The following LRRC75A variants were observed in gnomAD, a reference collection of about 807,000 sequenced individuals.
LRRC75A encodes leucine rich repeat containing 75A, also known as leucine-rich repeat-containing protein 75A.
A neutral mutation model predicts 26.0 loss-of-function variants in LRRC75A; 12 were observed. The ratio of observed to expected loss-of-function variants is 0.46; its 90% confidence interval spans 0.30 to 0.75. LRRC75A has a LOEUF of 0.75. Ranked by LOEUF, LRRC75A falls within the 30% of genes least tolerant of loss-of-function variation. The pLI is 0.08. For missense variants in LRRC75A, 410 were observed against 486.6 expected, an observed-to-expected ratio of 0.84 and a Z score of 1.48; for synonymous variants, 223 against 219.3, an observed-to-expected ratio of 1.02 and a Z score of -0.15.
At chr17:16,490,228 G>C (rs992876099) in intron 1 of LRRC75A, among the ~76,000 whole-genome samples, 1 of 152,200 alleles carries the variant, frequency 6.6e-6, no homozygotes, top group Non-Finnish European at 1.5e-5. Flanking sequence ...ATTGCAGGGT[G>C]GGGGAAACAG....
At chr17:16,449,004 T>TC (rs2093609431) in intron 2 of LRRC75A, among the ~76,000 whole-genome samples, 1 of 152,160 alleles carries the variant, frequency 6.6e-6, no homozygotes, top group Admixed American at 6.5e-5. Flanking sequence ...GGAGCCAAAC[T>TC]CGTGCTGGAC....
Position 16,491,959 on chromosome 17 carries a change from G to A in LRRC75A, c.32C>T (p.Ala11Val), listed in dbSNP as rs1422323465. The change falls in exon 1 of 4, where the codon GCG (alanine) becomes GTG (valine). Residue 11 changes from alanine (A) to valine (V), a missense_variant. Ala to Val is a moderately conservative substitution (Grantham distance 64). Coordinates refer to ENST00000470794, the MANE Select transcript of LRRC75A (RefSeq NM_001113567.3). The surrounding 1 kb of genome is among the most constrained non-coding windows in gnomAD (Gnocchi z 5.9). MGTRQTKGSL[A>V]ERASPGAAPG... Reference sequence around the variant, plus strand: ...CGCGGCGCCGGGGCTGGCTCTCTCCGCCAGGCTGCCCTTGGTCTGCCGGGT... The same window carrying A: ...CGCGGCGCCGGGGCTGGCTCTCTCCACCAGGCTGCCCTTGGTCTGCCGGGT... 6.5e-5 allele frequency: 80 copies of A among 1,222,422 alleles called. No homozygotes were observed. The highest frequency in any genetic ancestry group is 8.9e-5 in the Admixed American group (2 of 22,544). The allele number at this position is 1,222,422 out of a possible 1,614,324, so 75.7% of individuals were successfully genotyped here.
Position 16,443,483 on chromosome 17 carries a change from T to C in LRRC75A, c.*105A>G. 1 of 1,133,482 alleles carries C rather than the reference T, an allele frequency of 8.8e-7. No individual in the cohort carries two copies. The highest frequency in any genetic ancestry group is 2.9e-5 in the Admixed American group (1 of 33,930). 70.2% of individuals were successfully genotyped at this position (1,133,482 alleles called of 1,614,324 possible). Reference sequence around the variant, plus strand: ...CTGTAGGTGGGTGGCCCAGGCCAATTTTTGGCAATATCCTTAACCCACCTG... The same window carrying C: ...CTGTAGGTGGGTGGCCCAGGCCAATCTTTGGCAATATCCTTAACCCACCTG... On this transcript the variant is annotated 3_prime_UTR_variant, in exon 4 of 4. Transcript: ENST00000470794.
chr17:16,452,065 T>G (rs1435018800), intron 2 of LRRC75A, among the ~76,000 whole-genome samples: 5 of 151,704 alleles, frequency 3.3e-5, no homozygotes, highest in Non-Finnish European at 1.5e-5. Flanking sequence ...TAAAGTCCAC[T>G]GATGGGCCAG....
chr17:16,445,231 T>A (rs2093573827), intron 3 of LRRC75A, among the ~76,000 whole-genome samples: 1 of 143,650 alleles, frequency 7.0e-6, no homozygotes, highest in South Asian at 2.3e-4. Flanking sequence ...AGTGGCGCCA[T>A]TTCTGCTCAC....
Position 16,482,085 on chromosome 17 carries a change from G to A in LRRC75A, c.246+9660C>T, listed in dbSNP as rs377243768. Among the ~76,000 whole-genome samples the A allele has an allele frequency of 4.6e-5, 7 of 152,110 alleles. No homozygotes were observed. In the South Asian group the frequency reaches 8.3e-4, roughly 18 times the overall value. The stretch of plus-strand genomic sequence containing the variant: ...ACCTCCTGGGCCCTTACCTGCCCCC[G>A]GTGCCAATGGAGAGAAACCTGCCCC... On this transcript the variant is annotated intron_variant, in intron 1 of 3. Coordinates refer to ENST00000470794, the MANE Select transcript of LRRC75A (RefSeq NM_001113567.3).
intron 1 of LRRC75A, among the ~76,000 whole-genome samples, chr17:16,485,667 T>C (rs889277311): frequency 9.9e-4 from 120 of 121,476 alleles, no homozygotes; most frequent in Non-Finnish European, 1.3e-3. Flanking sequence ...TGTGTGTGTG[T>C]GTTCGTGTGT....
intron 1 of LRRC75A, among the ~76,000 whole-genome samples, chr17:16,482,619 G>C (rs1177278025): frequency 1.3e-5 from 2 of 152,216 alleles, no homozygotes; most frequent in African/African-American, 4.8e-5. Context: ...ACTGAGGAAA[G>C]GGGTTTGCCC....
chr17:16,476,929 G>A (rs8070265), intron 1 of LRRC75A, among the ~76,000 whole-genome samples: 1,916 of 151,406 alleles, frequency 0.013, 43 homozygotes, highest in African/African-American at 0.043. Context: ...TAGTAGAGAC[G>A]GGGTTTCACC....
intron 1 of LRRC75A, among the ~76,000 whole-genome samples, chr17:16,477,226 TCTAGA>T (rs1190183712): frequency 2.0e-5 from 3 of 152,194 alleles, no homozygotes; most frequent in African/African-American, 7.2e-5. Context: ...CACAGCAGCA[TCTAGA>T]CTAGTGTTTG....
intron 3 of LRRC75A, among the ~76,000 whole-genome samples, chr17:16,444,880 G>A (rs570832571): frequency 2.2e-5 from 3 of 136,914 alleles, no homozygotes; most frequent in African/African-American, 5.5e-5. Context: ...AGACAGTCTC[G>A]CTCTGTCACC....
chr17:16,475,177 G>T (rs1248138306), intron 1 of LRRC75A, among the ~76,000 whole-genome samples: 1 of 152,052 alleles, frequency 6.6e-6, no homozygotes, highest in Non-Finnish European at 1.5e-5. Flanking sequence ...GGGCTGGAAG[G>T]TTGTCTCATA....
intron 1 of LRRC75A, chr17:16,463,699 C>T (rs1192957919): frequency 1.3e-5 from 2 of 152,270 alleles, no homozygotes; most frequent in African/African-American, 4.8e-5. Flanking sequence ...TTTAAAATAC[C>T]TTCCCCACAT....
Position 16,443,609 on chromosome 17 carries a change from A to G in LRRC75A, c.1014T>C (p.Thr338=), listed in dbSNP as rs760359062. The G allele has an allele frequency of 3.9e-6, 6 of 1,531,198 alleles. No individual in the cohort carries two copies. In the African/African-American group the frequency reaches 6.9e-5, roughly 18 times the overall value. 94.9% of individuals were successfully genotyped at this position (1,531,198 alleles called of 1,614,324 possible). The change falls in exon 4 of 4, where the codon ACT becomes ACC. Residue 338 remains threonine, a synonymous_variant. Coordinates refer to ENST00000470794, the MANE Select transcript of LRRC75A (RefSeq NM_001113567.3). ...CATGTCACGTCTGAGCTGCAGCTAC[A>G]GTCTCCTTGCCCTCATGGTGGTCTT... The part of the protein sequence containing the change: ...PAEDHHEGKE[T]VAAAQT
chr17:16,456,042 G>C (rs11870279), intron 2 of LRRC75A, among the ~76,000 whole-genome samples: 1 of 150,180 alleles, frequency 6.7e-6, no homozygotes, highest in Non-Finnish European at 1.5e-5. Context: ...GGTGGGGAAC[G>C]GGGGGAGGGA....
At chr17:16,477,708 C>T (rs1004570431) in intron 1 of LRRC75A, among the ~76,000 whole-genome samples, 25 of 152,226 alleles carry the variant, frequency 1.6e-4, no homozygotes, top group African/African-American at 5.8e-4. Context: ...GGCTGCCAGA[C>T]TGCCAGACCC....
chr17:16,464,895 G>A (rs780056145), intron 1 of LRRC75A, among the ~76,000 whole-genome samples: 28 of 152,362 alleles, frequency 1.8e-4, no homozygotes, highest in Non-Finnish European at 3.2e-4. Context: ...TGTGTTCTAC[G>A]GTCTCAGAGG....
chr17:16,460,958 C>G (rs2093723057), intron 2 of LRRC75A: 1 of 152,656 alleles, frequency 6.6e-6, no homozygotes, highest in South Asian at 2.1e-4. Context: ...CCCTGTGGCT[C>G]CTGGCACCAA....
intron 1 of LRRC75A, among the ~76,000 whole-genome samples, chr17:16,485,428 T>G (rs1335748349): frequency 6.6e-6 from 1 of 152,120 alleles, no homozygotes; most frequent in African/African-American, 2.4e-5. Context: ...CATGCCAGAA[T>G]GCAGCGAGAG....
Sources: allele counts gnomAD v4.1 joint callset (sites outside exome capture counted in the v4.1 genomes callset), GRCh38; gene constraint gnomAD v4.1.1; non-coding constraint Gnocchi (gnomAD v3.1); transcripts MANE v1.5; gene names NCBI Gene and HGNC (gene_info 2026-07-23, HGNC 2026-07-21).